CSGALNACT1: variants seen among roughly 807,000 people sequenced by gnomAD.
The protein encoded by CSGALNACT1 is beta4GalNAcT-1.
A neutral mutation model predicts 51.0 loss-of-function variants in CSGALNACT1; 52 were observed. The ratio of observed to expected loss-of-function variants is 1.02; its 90% confidence interval spans 0.82 to 1.29. CSGALNACT1 has a LOEUF of 1.29. Ranked by LOEUF, CSGALNACT1 falls within the 50% of genes most tolerant of loss-of-function variation. The probability of loss-of-function intolerance (pLI) is 0.00; values close to 1 mark genes in which losing one functional copy is unlikely to be tolerated. For missense variants in CSGALNACT1, 935 were observed against 679.2 expected (o/e 1.38, Z -4.19); for synonymous variants, 341 against 254.4 (o/e 1.34, Z -3.24).
chr8:19,431,497 T>C (rs1206739510), intron 6 of CSGALNACT1, among the ~76,000 whole-genome samples: 2 of 152,020 alleles, frequency 1.3e-5, no homozygotes, highest in Non-Finnish European at 2.9e-5. Context: ...AAACTTGCAT[T>C]CCTGAAAAAA....
At chr8:19,558,523 C>T (rs978444599) in intron 3 of CSGALNACT1, among the ~76,000 whole-genome samples, 1 of 152,132 alleles carries the variant, frequency 6.6e-6, no homozygotes, top group African/African-American at 2.4e-5. Flanking sequence ...GAAAAAGTAT[C>T]TATGGATTTG....
chr8:19,478,375 C>G (rs1238807965), intron 4 of CSGALNACT1, among the ~76,000 whole-genome samples: 2 of 142,462 alleles, frequency 1.4e-5, no homozygotes, highest in African/African-American at 5.4e-5. Context: ...GATCGCACCA[C>G]TGCACTCCAG....
At chr8:19,437,713 C>G (rs577510652) in intron 6 of CSGALNACT1, among the ~76,000 whole-genome samples, 3 of 152,266 alleles carry the variant, frequency 2.0e-5, no homozygotes, top group South Asian at 2.1e-4. Flanking sequence ...TATACATACA[C>G]AATTTAAGAA....
intron 5 of CSGALNACT1, among the ~76,000 whole-genome samples, chr8:19,444,003 G>C (rs2061729576): frequency 6.6e-6 from 1 of 152,088 alleles, no homozygotes; most frequent in African/African-American, 2.4e-5. Context: ...TCACAATAAG[G>C]TTCACCCTCC....
At chr8:19,708,496 C>T (rs191122861) in intron 1 of CSGALNACT1, among the ~76,000 whole-genome samples, 64 of 152,294 alleles carry the variant, frequency 4.2e-4, no homozygotes, top group Middle Eastern at 6.8e-3. Flanking sequence ...ACAAGCCAAC[C>T]AAGTGAAATA....
chr8:19,740,961 A>C (rs1166964173), intron 1 of CSGALNACT1, among the ~76,000 whole-genome samples: 1 of 152,248 alleles, frequency 6.6e-6, no homozygotes, highest in Non-Finnish European at 1.5e-5. Flanking sequence ...ACAAGATAAT[A>C]TCTAAACTCC....
intron 1 of CSGALNACT1, among the ~76,000 whole-genome samples, chr8:19,737,723 C>T (rs1476870887): frequency 6.6e-6 from 1 of 152,124 alleles, no homozygotes; most frequent in Non-Finnish European, 1.5e-5. Context: ...TACTAAGGCT[C>T]TAACTTAAAG....
intron 5 of CSGALNACT1, among the ~76,000 whole-genome samples, chr8:19,453,365 G>C (rs1190031653): frequency 6.6e-6 from 1 of 152,152 alleles, no homozygotes; most frequent in Non-Finnish European, 1.5e-5. Context: ...GGAAGGTACA[G>C]AATAGATATG....
chr8:19,703,695 A>G (rs573615866), intron 1 of CSGALNACT1, among the ~76,000 whole-genome samples: 1 of 152,232 alleles, frequency 6.6e-6, no homozygotes, highest in Non-Finnish European at 1.5e-5. Context: ...AGTAAAACAA[A>G]GTTTAATCAA....
chr8:19,500,930 A>G (rs1292701085), intron 4 of CSGALNACT1, among the ~76,000 whole-genome samples: 1 of 152,164 alleles, frequency 6.6e-6, no homozygotes, highest in Non-Finnish European at 1.5e-5. Flanking sequence ...GAGGAGAGGA[A>G]TGCAGTGTCC....
chr8:19,533,402 A>G (rs377536729), intron 3 of CSGALNACT1, among the ~76,000 whole-genome samples: 133 of 152,236 alleles, frequency 8.7e-4, no homozygotes, highest in African/African-American at 3.1e-3. Context: ...GATTACAGTC[A>G]TAAGCCATGA....
At chr8:19,420,195 C>G in intron 7 of CSGALNACT1, 145 bp downstream of exon 6, 1 of 758,352 alleles carries the variant, frequency 1.3e-6, no homozygotes, top group Non-Finnish European at 2.3e-6. Context: ...CAGACTAATA[C>G]AGATGGTTTT....
chr8:19,636,928 C>G (rs1175835366), intron 1 of CSGALNACT1, among the ~76,000 whole-genome samples: 1 of 151,954 alleles, frequency 6.6e-6, no homozygotes, highest in African/African-American at 2.4e-5. Flanking sequence ...CATGGTGGCT[C>G]AAGCTTGTAA....
chr8:19,497,238 G>A (rs1341055417), intron 4 of CSGALNACT1, among the ~76,000 whole-genome samples: 1 of 152,192 alleles, frequency 6.6e-6, no homozygotes, highest in Non-Finnish European at 1.5e-5. Flanking sequence ...AGAAACAGCA[G>A]AATATTGCTG....
At chr8:19,741,785 T>C (rs1437906395) in intron 1 of CSGALNACT1, among the ~76,000 whole-genome samples, 1 of 152,218 alleles carries the variant, frequency 6.6e-6, no homozygotes, top group East Asian at 1.9e-4. Context: ...GCTGATCATA[T>C]GGATTTTATT....
intron 3 of CSGALNACT1, among the ~76,000 whole-genome samples, chr8:19,556,031 T>C (rs2089630050): frequency 6.6e-6 from 1 of 152,128 alleles, no homozygotes; most frequent in Non-Finnish European, 1.5e-5. Flanking sequence ...ACGATAACAC[T>C]GAAAGTTGTG....
chr8:19,721,374 T>G (rs1320550321), intron 1 of CSGALNACT1, among the ~76,000 whole-genome samples: 1 of 152,220 alleles, frequency 6.6e-6, no homozygotes, highest in Non-Finnish European at 1.5e-5. Context: ...AATCACTGTT[T>G]GCACTCTGAA....
At chr8:19,598,647 A>C (rs28418918) in intron 2 of CSGALNACT1, among the ~76,000 whole-genome samples, 10,356 of 152,288 alleles carry the variant, frequency 0.068, 414 homozygotes, top group Middle Eastern at 0.11. Flanking sequence ...CAAAGGGCCT[A>C]TAAGCTTATG....
intron 1 of CSGALNACT1, among the ~76,000 whole-genome samples, chr8:19,753,422 T>A (rs1039061977): frequency 1.3e-5 from 2 of 152,190 alleles, no homozygotes; most frequent in Non-Finnish European, 2.9e-5. Flanking sequence ...TGTCTGATAA[T>A]TTTCCAAACT....
Sources: gnomAD v4.1 joint callset for allele counts (sites outside exome capture counted in the v4.1 genomes callset) on GRCh38, gnomAD v4.1.1 for gene constraint, MANE v1.5 for transcripts, NCBI Gene and HGNC (gene_info 2026-07-23, HGNC 2026-07-21) for gene names.